NFIA: variants seen among roughly 807,000 people sequenced by gnomAD.
NFIA encodes nuclear factor I A, also known as nuclear factor 1 A-type.
Under a neutral mutation model 62.8 loss-of-function variants are expected in NFIA, and 8 were observed. That is an observed-to-expected ratio of 0.13 (90% CI 0.07 to 0.23). The LOEUF is 0.23. Among genes scored for constraint, NFIA ranks in the 10% least tolerant of loss-of-function variants. NFIA has a pLI of 1.00. For missense variants in NFIA, 410 were observed against 642.1 expected, an observed-to-expected ratio of 0.64 and a Z score of 3.91; for synonymous variants, 235 against 238.1, an observed-to-expected ratio of 0.99 and a Z score of 0.12.
At chr1:61,414,352 C>A (rs1053170553) in intron 9 of NFIA, among the ~76,000 whole-genome samples, 2 of 152,168 alleles carry the variant, frequency 1.3e-5, no homozygotes, top group African/African-American at 2.4e-5. Flanking sequence ...GAAATAAATT[C>A]TCTTGTTAGC....
At chr1:61,384,577 C>T (rs995919608) in intron 7 of NFIA, among the ~76,000 whole-genome samples, 6 of 152,062 alleles carry the variant, frequency 3.9e-5, no homozygotes, top group African/African-American at 1.4e-4. Context: ...ATTATAAGGT[C>T]CCAGAATGAG....
At chr1:61,346,949 G>A (rs559347947) in intron 4 of NFIA, among the ~76,000 whole-genome samples, 100 of 152,190 alleles carry the variant, frequency 6.6e-4, no homozygotes, top group South Asian at 1.4e-3. Context: ...ATCAGATCTC[G>A]TGGGAACTTA....
rs115702142 is a variant in NFIA, at chr1:61,190,417, A to G, written c.560-87103A>G. 2.0e-5 allele frequency among the ~76,000 whole-genome samples: 3 copies of G among 152,224 alleles called. 1 individual carries two copies. Among genetic ancestry groups the G allele is most frequent in the African/African-American group, 7.2e-5 (3 of 41,458 alleles). The stretch of plus-strand genomic sequence containing the variant: ...TGGAATCATTCCTGGAAGCCAGGCC[A>G]TGTTCCTGAGTTGTGCTGCTGTAAG... On this transcript the variant is annotated intron_variant, in intron 2 of 10. Transcript: ENST00000403491.
chr1:61,201,880 T>C (rs1184151069), intron 2 of NFIA, among the ~76,000 whole-genome samples: 1 of 152,192 alleles, frequency 6.6e-6, no homozygotes, highest in East Asian at 1.9e-4. Context: ...CTAAGAGTAT[T>C]TAATAAAGTA....
At chr1:61,431,334 A>T (rs1214993885) in intron 10 of NFIA, among the ~76,000 whole-genome samples, 1 of 152,244 alleles carries the variant, frequency 6.6e-6, no homozygotes, top group Non-Finnish European at 1.5e-5. Flanking sequence ...GTTCTAGTTT[A>T]ATCAAAAGGT....
At chr1:61,177,411 CATA>C (rs2100556517) in intron 2 of NFIA, among the ~76,000 whole-genome samples, 1 of 152,200 alleles carries the variant, frequency 6.6e-6, no homozygotes, top group South Asian at 2.1e-4. Context: ...CAGTGAGAGT[CATA>C]ATAATAATCG....
intron 3 of NFIA, among the ~76,000 whole-genome samples, chr1:61,318,566 C>T (rs1400161937): frequency 6.6e-6 from 1 of 152,126 alleles, no homozygotes; most frequent in Admixed American, 6.6e-5. Context: ...GCAGACGCTC[C>T]CATGAAACTA....
intron 2 of NFIA, among the ~76,000 whole-genome samples, chr1:61,184,071 G>A (rs1457851672): frequency 1.5e-5 from 2 of 137,654 alleles, no homozygotes; most frequent in African/African-American, 5.5e-5. Context: ...AGCAAGTTGT[G>A]AGAAATCTGT....
In NFIA at chr1:61,350,316, T is replaced by C. The variant is rs552927664; in HGVS notation, c.701-2134T>C. Reference sequence around the variant, plus strand: ...AACTTGGGAATCTGCTGAATTCAAATTTATGTTCCTTAAATAAACCTGCCA... The same window carrying C: ...AACTTGGGAATCTGCTGAATTCAAACTTATGTTCCTTAAATAAACCTGCCA... On this transcript the variant is annotated intron_variant, in intron 4 of 10. Coordinates refer to ENST00000403491, the MANE Select transcript of NFIA (RefSeq NM_001134673.4). 3.2e-4 allele frequency among the ~76,000 whole-genome samples: 48 copies of C among 152,272 alleles called. No individual in the cohort carries two copies. The South Asian group carries it at 4.4e-3, about 14-fold the overall frequency.
chr1:61,187,483 C>A (rs1651276844), intron 2 of NFIA, among the ~76,000 whole-genome samples: 1 of 152,162 alleles, frequency 6.6e-6, no homozygotes, highest in Non-Finnish European at 1.5e-5. Flanking sequence ...AGTTTGTTTT[C>A]CTGGGGAAGT....
At chr1:61,159,882 A>T (rs1021731190) in intron 2 of NFIA, among the ~76,000 whole-genome samples, 1 of 151,972 alleles carries the variant, frequency 6.6e-6, no homozygotes, top group African/African-American at 2.4e-5. Context: ...GGGTTTCACC[A>T]TGTTGGCCAG....
chr1:61,423,619 T>C (rs1464677436), intron 9 of NFIA, among the ~76,000 whole-genome samples: 2 of 152,204 alleles, frequency 1.3e-5, no homozygotes, highest in Non-Finnish European at 2.9e-5. Context: ...TGCTTGATTT[T>C]ATATTCACAT....
At chr1:61,245,698 TG>T (rs1038305591) in intron 2 of NFIA, among the ~76,000 whole-genome samples, 39 of 152,288 alleles carry the variant, frequency 2.6e-4, no homozygotes, top group African/African-American at 8.2e-4. Context: ...TTTTTATTTT[TG>T]TTTTTTTTAA....
chr1:61,356,231 A>G (rs922314318), intron 5 of NFIA, among the ~76,000 whole-genome samples: 7 of 152,204 alleles, frequency 4.6e-5, no homozygotes, highest in Non-Finnish European at 1.0e-4. Flanking sequence ...TAAAAAGTAT[A>G]TAGTCATTTT....
intron 3 of NFIA, among the ~76,000 whole-genome samples, chr1:61,297,257 A>T (rs972032158): frequency 1.3e-5 from 2 of 152,186 alleles, no homozygotes; most frequent in African/African-American, 4.8e-5. Flanking sequence ...CATACCATTA[A>T]AGGTGTGTGT....
At position 61,087,873 on chromosome 1, in the gene NFIA, G is replaced by A. The variant is rs560527189; in HGVS notation, c.28-276G>A. 7.9e-5 allele frequency among the ~76,000 whole-genome samples: 12 copies of A among 152,296 alleles called. 1 individual carries two copies. The South Asian group carries it at 2.3e-3, about 29-fold the overall frequency. On this transcript the variant is annotated intron_variant, in intron 1 of 10. Coordinates refer to ENST00000403491, the MANE Select transcript of NFIA (RefSeq NM_001134673.4). ...ATCTAAAGGATGGGGAGCTAGGCCC[G>A]ACAGTAGTAGCTGGTGTACCCTGGT...
chr1:61,301,579 G>C (rs1056303945), intron 3 of NFIA, among the ~76,000 whole-genome samples: 3 of 152,168 alleles, frequency 2.0e-5, no homozygotes. Context: ...TATAGGAAAA[G>C]CAAGCATTTA....
chr1:61,089,967 A>G (rs1646291405), intron 2 of NFIA, among the ~76,000 whole-genome samples: 2 of 152,046 alleles, frequency 1.3e-5, no homozygotes, highest in South Asian at 4.1e-4. Flanking sequence ...ATTTTAGAGG[A>G]TGTGAGCTGT....
At chr1:61,276,451 G>A (rs1015121475) in intron 2 of NFIA, among the ~76,000 whole-genome samples, 2 of 152,100 alleles carry the variant, frequency 1.3e-5, no homozygotes, top group African/African-American at 4.8e-5. Flanking sequence ...TAAATTTCAG[G>A]CAGCTAATTC....
Sources: allele counts gnomAD v4.1 joint callset (sites outside exome capture counted in the v4.1 genomes callset), GRCh38; gene constraint gnomAD v4.1.1; transcripts MANE v1.5; gene names NCBI Gene and HGNC (gene_info 2026-07-23, HGNC 2026-07-21).